Variants in OR2M3 observed in about 807,000 individuals in gnomAD.
OR2M3 encodes the protein olfactory receptor family 2 subfamily M member 3.
OR2M3 carries 1 observed loss-of-function variant against 4.3 expected under a neutral mutation model. That is an observed-to-expected ratio of 0.23 (90% CI 0.08 to 1.11). The LOEUF is 1.11. Among genes scored for constraint, OR2M3 ranks in the 50% most tolerant of loss-of-function variants. OR2M3 has a pLI of 0.54. For missense variants in OR2M3, 410 were observed against 390.4 expected, an observed-to-expected ratio of 1.05 and a Z score of -0.42; for synonymous variants, 151 against 139.4, an observed-to-expected ratio of 1.08 and a Z score of -0.59.
Position 248,203,971 on chromosome 1 carries a change from A to AG in OR2M3, c.904_905insG (p.Met302SerfsTer38). On this transcript the variant is annotated frameshift_variant, in exon 2 of 2. Coordinates refer to ENST00000641626, the MANE Select transcript of OR2M3 (RefSeq NM_001004689.2). LOFTEE classifies it high-confidence loss of function. ...CAACAAGGAGGTGACCAGAGCATTC[A>AG]TGAAGATCTTAGGAAAGGGCAAGTC... 6.2e-7 allele frequency: 1 copy of AG among 1,613,942 alleles called. No individual in the cohort carries two copies. The highest frequency in any genetic ancestry group is 8.5e-7 in the Non-Finnish European group (1 of 1,179,894).
rs4916082 is a variant in OR2M3, at chr1:248,204,113, C to T, written c.*107C>T. Reference sequence around the variant, plus strand: ...GGGATTCATTGTGTACATAAATCTGCAATGACATATTTATGTGCACCTATA... The same window carrying T: ...GGGATTCATTGTGTACATAAATCTGTAATGACATATTTATGTGCACCTATA... On this transcript the variant is annotated 3_prime_UTR_variant, in exon 2 of 2. Coordinates refer to ENST00000641626, the MANE Select transcript of OR2M3 (RefSeq NM_001004689.2). The T allele has an allele frequency of 0.78, 768,329 of 990,202 alleles. 299,141 individuals are homozygous for T. The highest frequency in any genetic ancestry group is 0.9 in the South Asian group (58,372 of 64,852). 61.3% of individuals were successfully genotyped at this position (990,202 alleles called of 1,614,324 possible).
chr1:248,202,778 AC>A (rs1666172090), intron 1 of OR2M3, among the ~76,000 whole-genome samples: 1 of 148,738 alleles, frequency 6.7e-6, no homozygotes, highest in Non-Finnish European at 1.5e-5. Context: ...AAAAAAAAAA[AC>A]TCCATCCATT....
Position 248,204,789 on chromosome 1 carries a change from C to T in OR2M3, c.*783C>T, listed in dbSNP as rs141693321. 2.3e-4 allele frequency: 35 copies of T among 151,992 alleles called. No individual in the cohort carries two copies. In the East Asian group the frequency reaches 6.8e-3, roughly 29 times the overall value. 9.4% of individuals were successfully genotyped at this position (151,992 alleles called of 1,614,324 possible). On this transcript the variant is annotated 3_prime_UTR_variant, in exon 2 of 2. Coordinates refer to ENST00000641626, the MANE Select transcript of OR2M3 (RefSeq NM_001004689.2). The stretch of plus-strand genomic sequence containing the variant: ...TCTTTTTTGTATAATAACTTCTTTT[C>T]CTCTGTGTAGTTAGTAGTGGTATTG...
At position 248,212,164 on chromosome 1, in the gene OR2M3, TACCTTGAAATAAA is replaced by T. The variant is rs1353502953; in HGVS notation, c.*8159_*8171del. ...TTACATGACTACAGTACATGTGCCT[TACCTTGAAATAAA>T]TAGTGAAACTGTACATGAAACAAGA... is the stretch of plus-strand genomic sequence containing the variant. On this transcript the variant is annotated 3_prime_UTR_variant, in exon 2 of 2. Coordinates refer to ENST00000641626, the MANE Select transcript of OR2M3 (RefSeq NM_001004689.2). 1 of 152,176 alleles carries T rather than the reference TACCTTGAAATAAA, an allele frequency of 6.6e-6. No individual in the cohort carries two copies. Among genetic ancestry groups the T allele is most frequent in the Non-Finnish European group, 1.5e-5 (1 of 68,000 alleles). 9.4% of individuals were successfully genotyped at this position (152,176 alleles called of 1,614,324 possible).
chr1:248,208,062 T>G lies in OR2M3; in HGVS notation c.*4056T>G, dbSNP rs1302058403. On this transcript the variant is annotated 3_prime_UTR_variant, in exon 2 of 2. Transcript: ENST00000641626. ...CTAGCCCTTTTATCATTACAAAATG[T>G]CCCTCTTTGTCTTTTTTTAACTGCT... 1 of 152,272 alleles carries G rather than the reference T, an allele frequency of 6.6e-6. No individual in the cohort carries two copies. The highest frequency in any genetic ancestry group is 1.9e-4 in the East Asian group (1 of 5,186). The allele number at this position is 152,272 out of a possible 1,614,324, so 9.4% of individuals were successfully genotyped here. A position where few individuals can be genotyped will look rare whatever the true frequency, so the allele number is the denominator to read the frequency against.
In OR2M3 at chr1:248,206,986, G is replaced by T. The variant is rs890604933; in HGVS notation, c.*2980G>T. 1.3e-5 allele frequency: 2 copies of T among 151,794 alleles called. No homozygotes were observed. The highest frequency in any genetic ancestry group is 6.6e-5 in the Admixed American group (1 of 15,206). 9.4% of individuals were successfully genotyped at this position (151,794 alleles called of 1,614,324 possible). A position where few individuals can be genotyped will look rare whatever the true frequency, so the allele number is the denominator to read the frequency against. ...TTTTCATTACAATTTCAGTCATGCT[G>T]CTTGTTACTGGTCTGATCAGAGATT... On this transcript the variant is annotated 3_prime_UTR_variant, in exon 2 of 2. Coordinates refer to ENST00000641626, the MANE Select transcript of OR2M3 (RefSeq NM_001004689.2).
rs1400279301 is a variant in OR2M3, at chr1:248,207,238, T to C, written c.*3232T>C. 6.6e-6 allele frequency: 1 copy of C among 152,084 alleles called. No individual in the cohort carries two copies. Among genetic ancestry groups the C allele is most frequent in the Non-Finnish European group, 1.5e-5 (1 of 67,978 alleles). 9.4% of individuals were successfully genotyped at this position (152,084 alleles called of 1,614,324 possible). A position where few individuals can be genotyped will look rare whatever the true frequency, so the allele number is the denominator to read the frequency against. On this transcript the variant is annotated 3_prime_UTR_variant, in exon 2 of 2. Transcript: ENST00000641626. ...TCTTGCTAATGGTCTATCAACTTTA[T>C]TCGTCTTTTTAAAGAACTAGCTTTT...
chr1:248,203,020 C>A (rs1160628246), intron 1 of OR2M3, 30 bp from the exon 2 acceptor site: 4 of 1,557,506 alleles, frequency 2.6e-6, no homozygotes, highest in Non-Finnish European at 3.5e-6. Context: ...AAAGTTTTAC[C>A]AAATTAATAC....
At chr1:248,202,217 T>C (rs1666165368) in intron 1 of OR2M3, among the ~76,000 whole-genome samples, 1 of 152,102 alleles carries the variant, frequency 6.6e-6, no homozygotes. Flanking sequence ...TAACTAACAG[T>C]TGTTGACATT....
In OR2M3 at chr1:248,204,145, A is replaced by G; in HGVS notation, c.*139A>G. Reference sequence around the variant, plus strand: ...ATATTTATGTGCACCTATATAATTTATTTCAGATAAACTATTATAACTATT... The same window carrying G: ...ATATTTATGTGCACCTATATAATTTGTTTCAGATAAACTATTATAACTATT... On this transcript the variant is annotated 3_prime_UTR_variant, in exon 2 of 2. Coordinates refer to ENST00000641626, the MANE Select transcript of OR2M3 (RefSeq NM_001004689.2). 1 of 680,412 alleles carries G rather than the reference A, an allele frequency of 1.5e-6. No homozygotes were observed. Among genetic ancestry groups the G allele is most frequent in the East Asian group, 2.7e-5 (1 of 36,554 alleles). 42.1% of individuals were successfully genotyped at this position (680,412 alleles called of 1,614,324 possible). A position where few individuals can be genotyped will look rare whatever the true frequency, so the allele number is the denominator to read the frequency against.
In OR2M3 at chr1:248,204,826, G is replaced by T. The variant is rs1244031394; in HGVS notation, c.*820G>T. On this transcript the variant is annotated 3_prime_UTR_variant, in exon 2 of 2. Coordinates refer to ENST00000641626, the MANE Select transcript of OR2M3 (RefSeq NM_001004689.2). ...TAGTAGTGGTATTGCTAGATCAAAA[G>T]GTAGATCCACTTTTAGTTCTTTAAG... is the stretch of plus-strand genomic sequence containing the variant. The T allele has an allele frequency of 6.6e-6, 1 of 151,872 alleles. No individual in the cohort carries two copies. The allele number at this position is 151,872 out of a possible 1,614,324, so 9.4% of individuals were successfully genotyped here.
chr1:248,204,039 C>A lies in OR2M3; in HGVS notation c.*33C>A. On this transcript the variant is annotated 3_prime_UTR_variant, in exon 2 of 2. Transcript: ENST00000641626. Reference sequence around the variant, plus strand: ...AATAAACTTCATGTTTTGCTGTGTGCTAAATCCTTTTTTTAAATGGTCCTA... The same window carrying A: ...AATAAACTTCATGTTTTGCTGTGTGATAAATCCTTTTTTTAAATGGTCCTA... 1 of 1,605,746 alleles carries A rather than the reference C, an allele frequency of 6.2e-7. No individual in the cohort carries two copies. Among genetic ancestry groups the A allele is most frequent in the Non-Finnish European group, 8.5e-7 (1 of 1,173,758 alleles).
chr1:248,202,226 T>A (rs986430419), intron 1 of OR2M3, among the ~76,000 whole-genome samples: 4 of 152,118 alleles, frequency 2.6e-5, no homozygotes, highest in African/African-American at 9.7e-5. Context: ...GTTGTTGACA[T>A]TTCTTGGTTT....
At chr1:248,202,947 A>G (rs1183134725) in intron 1 of OR2M3, 103 bp from the exon 2 acceptor site, 19 of 981,948 alleles carry the variant, frequency 1.9e-5, no homozygotes, top group Admixed American at 6.9e-5. Flanking sequence ...ACTTCTATTC[A>G]TGCTGTATTG....
rs1666243055 is a variant in OR2M3, at chr1:248,208,140, T to C, written c.*4134T>C. On this transcript the variant is annotated 3_prime_UTR_variant, in exon 2 of 2. Coordinates refer to ENST00000641626, the MANE Select transcript of OR2M3 (RefSeq NM_001004689.2). The stretch of plus-strand genomic sequence containing the variant: ...TATAAGAATATCTATTCCTGCTTGC[T>C]TTTGGTGTCAATTTGCATGGAATAT... The C allele has an allele frequency of 6.6e-6, 1 of 151,066 alleles. No homozygotes were observed. The highest frequency in any genetic ancestry group is 2.5e-5 in the African/African-American group (1 of 40,398). The allele number at this position is 151,066 out of a possible 1,614,324, so 9.4% of individuals were successfully genotyped here.
chr1:248,198,425 T>G (rs1474095320), intron 1 of OR2M3, among the ~76,000 whole-genome samples: 1 of 152,178 alleles, frequency 6.6e-6, no homozygotes, highest in African/African-American at 2.4e-5. Flanking sequence ...ACATGCAGGT[T>G]GCATTTTTAT....
chr1:248,211,444 T>C lies in OR2M3; in HGVS notation c.*7438T>C, dbSNP rs984876169. On this transcript the variant is annotated 3_prime_UTR_variant, in exon 2 of 2. Transcript: ENST00000641626. ...TGATACTTAAACATTTTATTAATAATTACAGGACTTATATTGAAATTTAGA... is the reference window on the plus strand; with the variant it reads ...TGATACTTAAACATTTTATTAATAACTACAGGACTTATATTGAAATTTAGA... 1 of 152,094 alleles carries C rather than the reference T, an allele frequency of 6.6e-6. No homozygotes were observed. The highest frequency in any genetic ancestry group is 2.4e-5 in the African/African-American group (1 of 41,402). The allele number at this position is 152,094 out of a possible 1,614,324, so 9.4% of individuals were successfully genotyped here.
rs900160812 is a variant in OR2M3, at chr1:248,212,463, A to G, written c.*8457A>G. The stretch of plus-strand genomic sequence containing the variant: ...ACTTTTTATTAAGATAGATTCATTT[A>G]TATCCACAGATCTATGGTTATACTG... On this transcript the variant is annotated 3_prime_UTR_variant, in exon 2 of 2. Transcript: ENST00000641626. 2.6e-5 allele frequency: 4 copies of G among 152,074 alleles called. No individual in the cohort carries two copies. The highest frequency in any genetic ancestry group is 9.6e-5 in the African/African-American group (4 of 41,458). 9.4% of individuals were successfully genotyped at this position (152,074 alleles called of 1,614,324 possible). A position where few individuals can be genotyped will look rare whatever the true frequency, so the allele number is the denominator to read the frequency against.
In OR2M3 at chr1:248,204,352, A is replaced by G. The variant is rs115804348; in HGVS notation, c.*346A>G. 5.4e-3 allele frequency: 1,063 copies of G among 196,000 alleles called. 14 individuals carry two copies. Among genetic ancestry groups the G allele is most frequent in the African/African-American group, 0.023 (985 of 42,014 alleles). The allele number at this position is 196,000 out of a possible 1,614,324, so 12.1% of individuals were successfully genotyped here. A position where few individuals can be genotyped will look rare whatever the true frequency, so the allele number is the denominator to read the frequency against. ...TTGGTGCACCCATCACCCAAGCAGT[A>G]TTCACTGTACCCAATGTGTAGTCTT... On this transcript the variant is annotated 3_prime_UTR_variant, in exon 2 of 2. Transcript: ENST00000641626.
Sources: gnomAD v4.1 joint callset for allele counts (sites outside exome capture counted in the v4.1 genomes callset) on GRCh38, gnomAD v4.1.1 for gene constraint, MANE v1.5 for transcripts, NCBI Gene and HGNC (gene_info 2026-07-23, HGNC 2026-07-21) for gene names.